SEC24B: variants seen among roughly 807,000 people sequenced by gnomAD.
SEC24B encodes the protein SEC24 homolog B, COPII component.
A neutral mutation model predicts 142.8 loss-of-function variants in SEC24B; 45 were observed. The ratio of observed to expected loss-of-function variants is 0.32; its 90% CI spans 0.25 to 0.40. SEC24B has a LOEUF of 0.40. SEC24B is among the 10% of genes least tolerant of loss of function. The pLI is 1.00. For synonymous variants in SEC24B, 574 were observed against 568.2 expected, an observed-to-expected ratio of 1.01 and a Z score of -0.15; for missense variants, 1,409 against 1,526.8, an observed-to-expected ratio of 0.92 and a Z score of 1.29.
intron 15 of SEC24B, among the ~76,000 whole-genome samples, 200 bp from the exon 16 acceptor site, chr4:109,525,146 C>T (rs567027334): frequency 6.6e-6 from 1 of 152,090 alleles, no homozygotes; most frequent in African/African-American, 2.4e-5. Flanking sequence ...TAGCATGATT[C>T]CCTTACCATT....
intron 2 of SEC24B, among the ~76,000 whole-genome samples, chr4:109,466,793 C>G (rs1275462493): frequency 6.6e-6 from 1 of 152,212 alleles, no homozygotes; most frequent in African/African-American, 2.4e-5. Flanking sequence ...ATCTTCATTT[C>G]AGATATACTA....
intron 1 of SEC24B, among the ~76,000 whole-genome samples, chr4:109,458,763 G>A (rs1730960455): frequency 6.6e-6 from 1 of 151,166 alleles, no homozygotes; most frequent in Admixed American, 6.6e-5. Context: ...AATACTGGGT[G>A]GATATACATC....
At chr4:109,441,009 T>A (rs540487805) in intron 1 of SEC24B, among the ~76,000 whole-genome samples, 1 of 152,356 alleles carries the variant, frequency 6.6e-6, no homozygotes, top group Non-Finnish European at 1.5e-5. Flanking sequence ...ATAGGCCATC[T>A]ATTTTAGCTA....
At chr4:109,491,503 A>C in intron 5 of SEC24B, 96 bp downstream of exon 5, 1 of 875,864 alleles carries the variant, frequency 1.1e-6, no homozygotes, top group Non-Finnish European at 1.8e-6. Flanking sequence ...ATAGCAGGCT[A>C]TATTTTTAAC....
rs150565684 is a variant in SEC24B, at chr4:109,472,843, A to C, written c.878-161A>C. Among the ~76,000 whole-genome samples, 470 of 149,612 alleles carry C rather than the reference A, an allele frequency of 3.1e-3. 3 individuals carry two copies. Among genetic ancestry groups the C allele is most frequent in the Non-Finnish European group, 4.8e-3 (327 of 67,558 alleles). The stretch of plus-strand genomic sequence containing the variant: ...TACTAGGTAAATGTGATGCTATTGA[A>C]GTTTCTACAAGAACTTCAGATAAAC... On this transcript the variant is annotated intron_variant, in intron 2 of 23. Coordinates refer to ENST00000265175, the MANE Select transcript of SEC24B (RefSeq NM_006323.5).
chr4:109,504,832 A>G (rs577108745), intron 6 of SEC24B, among the ~76,000 whole-genome samples: 147 of 152,222 alleles, frequency 9.7e-4, no homozygotes, highest in African/African-American at 3.1e-3. Context: ...GGATTGTTAA[A>G]TAGTGATTTT....
At chr4:109,527,943 T>C (rs1447247074) in intron 18 of SEC24B, among the ~76,000 whole-genome samples, 2 of 152,176 alleles carry the variant, frequency 1.3e-5, no homozygotes, top group Non-Finnish European at 2.9e-5. Context: ...TCTAAAAATG[T>C]GGTAAAAACT....
rs114010526 is a variant in SEC24B at position 109,508,891 on chromosome 4, C to T, written c.1674-1118C>T. 9.1e-3 allele frequency among the ~76,000 whole-genome samples: 1,380 copies of T among 152,208 alleles called. 25 individuals carry two copies. The highest frequency in any genetic ancestry group is 0.031 in the African/African-American group (1,277 of 41,536). ...AAGTTAAATGCAAAGCACTGTTTTC[C>T]GTGTACTGGGGATAAAGTTGTGAAC... On this transcript the variant is annotated intron_variant, in intron 7 of 23. Transcript: ENST00000265175.
intron 3 of SEC24B, among the ~76,000 whole-genome samples, chr4:109,476,274 T>C (rs1733130061): frequency 6.6e-6 from 1 of 152,076 alleles, no homozygotes. Context: ...GGCGTGACCA[T>C]TGTGCCTGGC....
chr4:109,482,957 T>TACAC (rs1733894493), intron 4 of SEC24B, among the ~76,000 whole-genome samples: 2 of 53,556 alleles, frequency 3.7e-5, no homozygotes, highest in African/African-American at 3.2e-4. Flanking sequence ...TATATATATA[T>TACAC]ATATATATAT....
chr4:109,491,905 C>A (rs1269467390), intron 5 of SEC24B, among the ~76,000 whole-genome samples: 1 of 152,072 alleles, frequency 6.6e-6, no homozygotes. Context: ...CCATTACATT[C>A]AAGTACAGGA....
rs1726009015 is a variant in SEC24B, at chr4:109,539,892, GTA to G, written c.*221_*222del. The G allele has an allele frequency of 9.6e-6, 5 of 519,242 alleles. No homozygotes were observed. The highest frequency in any genetic ancestry group is 1.7e-5 in the Non-Finnish European group (5 of 296,040). 32.2% of individuals were successfully genotyped at this position (519,242 alleles called of 1,614,324 possible). A position where few individuals can be genotyped will look rare whatever the true frequency, so the allele number is the denominator to read the frequency against. ...GGTAACGATGATGCTGTTTCACCAAGTATATTTTGAATTGGTTTCTACACATT... is the reference window on the plus strand; with the variant it reads ...GGTAACGATGATGCTGTTTCACCAAGTATTTTGAATTGGTTTCTACACATT... On this transcript the variant is annotated 3_prime_UTR_variant, in exon 24 of 24. Transcript: ENST00000265175.
chr4:109,466,744 T>C (rs1165503006), intron 2 of SEC24B, among the ~76,000 whole-genome samples: 1 of 152,192 alleles, frequency 6.6e-6, no homozygotes, highest in East Asian at 1.9e-4. Flanking sequence ...TTTGAATAAT[T>C]GACAAAAATG....
rs12503709 is a variant in SEC24B, at chr4:109,435,688, T to C, written c.133+1686T>C. ...TTTTGATGCCAAATATAGATGATGCTTGAGTTCTCTTGTTTATAATCACTA... is the reference window on the plus strand; with the variant it reads ...TTTTGATGCCAAATATAGATGATGCCTGAGTTCTCTTGTTTATAATCACTA... On this transcript the variant is annotated intron_variant, in intron 1 of 23. Coordinates refer to ENST00000265175, the MANE Select transcript of SEC24B (RefSeq NM_006323.5). Among the ~76,000 whole-genome samples the C allele has an allele frequency of 8.2e-3, 1,256 of 152,374 alleles. 58 individuals carry two copies. Among genetic ancestry groups the C allele is most frequent in the Admixed American group, 0.07 (1,074 of 15,306 alleles).
At chr4:109,480,398 C>CT (rs200737829) in intron 3 of SEC24B, among the ~76,000 whole-genome samples, 9 of 150,542 alleles carry the variant, frequency 6.0e-5, no homozygotes, top group Non-Finnish European at 1.2e-4. Flanking sequence ...TTTCTTTTTT[C>CT]TTTTTTTTTC....
intron 1 of SEC24B, among the ~76,000 whole-genome samples, chr4:109,437,032 C>T (rs1275090040): frequency 2.0e-5 from 3 of 152,182 alleles, no homozygotes; most frequent in Non-Finnish European, 2.9e-5. Flanking sequence ...GTAACTGGTT[C>T]CTCAGAAGTA....
chr4:109,530,014 A>T (rs1443508761), intron 18 of SEC24B, among the ~76,000 whole-genome samples: 2 of 152,186 alleles, frequency 1.3e-5, no homozygotes, highest in Non-Finnish European at 2.9e-5. Context: ...GATTACAGGC[A>T]TGAGCCACCA....
chr4:109,526,097 C>G, intron 16 of SEC24B, 129 bp from the exon 17 acceptor site: 1 of 833,668 alleles, frequency 1.2e-6, no homozygotes, highest in Non-Finnish European at 1.9e-6. Flanking sequence ...TCTGCCTATG[C>G]TTGAACCTTG....
chr4:109,462,823 G>T, intron 1 of SEC24B, 78 bp from the exon 2 acceptor site: 1 of 1,135,526 alleles, frequency 8.8e-7, no homozygotes, highest in African/African-American at 1.5e-5. Context: ...AAAGTTAATT[G>T]CTTCAATATT....
Sources: gnomAD v4.1 joint callset for allele counts (sites outside exome capture counted in the v4.1 genomes callset) on GRCh38, gnomAD v4.1.1 for gene constraint, MANE v1.5 for transcripts, NCBI Gene and HGNC (gene_info 2026-07-23, HGNC 2026-07-21) for gene names.